MAGI2: variants seen among roughly 807,000 people sequenced by gnomAD.
The protein encoded by MAGI2 is membrane-associated guanylate kinase, WW and PDZ domain-containing protein 2.
MAGI2 carries 35 observed loss-of-function variants against 133.3 expected under a neutral mutation model. The ratio of observed to expected loss-of-function variants is 0.26; its 90% CI spans 0.20 to 0.35. MAGI2 has a LOEUF of 0.35. Among genes scored for constraint, MAGI2 ranks in the 10% least tolerant of loss-of-function variants. The probability of loss-of-function intolerance (pLI) is 1.00; values close to 1 mark genes in which losing one functional copy is unlikely to be tolerated. For synonymous variants in MAGI2, 729 were observed against 710.6 expected, an observed-to-expected ratio of 1.03 and a Z score of -0.41; for missense variants, 1,636 against 1,863.4, an observed-to-expected ratio of 0.88 and a Z score of 2.25.
In MAGI2 at chr7:78,578,912, T is replaced by C. The variant is rs200587532; in HGVS notation, c.538+48208A>G. Among the ~76,000 whole-genome samples the C allele has an allele frequency of 2.8e-4, 42 of 152,264 alleles. 2 individuals carry two copies. The East Asian group carries it at 4.8e-3, about 18-fold the overall frequency. ...CAATACCCTCAACCCCTTTGTTGGA[T>C]ATTTAAATATTTGGTTTTCTGGAAG... On this transcript the variant is annotated intron_variant, in intron 3 of 21. Coordinates refer to ENST00000354212, the MANE Select transcript of MAGI2 (RefSeq NM_012301.4).
At chr7:79,343,559 AAG>A (rs1281055343) in intron 1 of MAGI2, among the ~76,000 whole-genome samples, 1 of 148,464 alleles carries the variant, frequency 6.7e-6, no homozygotes, top group Non-Finnish European at 1.5e-5. Flanking sequence ...AAAAAAAAAA[AAG>A]GCATTGGCCC....
intron 3 of MAGI2, among the ~76,000 whole-genome samples, chr7:78,554,188 T>G (rs531005848): frequency 6.6e-6 from 1 of 152,234 alleles, no homozygotes; most frequent in East Asian, 1.9e-4. Flanking sequence ...TTTGTTAAAA[T>G]AGGGAAAAAT....
rs536239562 is a variant in MAGI2, at chr7:78,519,955, T to C, written c.754+1475A>G. 3.3e-5 allele frequency among the ~76,000 whole-genome samples: 5 copies of C among 152,344 alleles called. No homozygotes were observed. In the South Asian group the frequency reaches 1.0e-3, roughly 32 times the overall value. The stretch of plus-strand genomic sequence containing the variant: ...AGAAAACGATGTACTATCGATGTAA[T>C]TCTAATGAAATTATATAATTAAAAG... On this transcript the variant is annotated intron_variant, in intron 4 of 21. Coordinates refer to ENST00000354212, the MANE Select transcript of MAGI2 (RefSeq NM_012301.4).
At chr7:78,325,484 G>C (rs1375333295) in intron 9 of MAGI2, among the ~76,000 whole-genome samples, 1 of 152,136 alleles carries the variant, frequency 6.6e-6, no homozygotes, top group Non-Finnish European at 1.5e-5. Context: ...TTCCCTAGTT[G>C]CTCCAGCTTG....
intron 10 of MAGI2, among the ~76,000 whole-genome samples, chr7:78,209,409 G>C (rs567500334): frequency 3.0e-4 from 45 of 150,012 alleles, no homozygotes; most frequent in African/African-American, 7.3e-4. Context: ...CTACAGGCGT[G>C]CACCATCACG....
chr7:78,888,050 C>A (rs374541820), intron 2 of MAGI2, among the ~76,000 whole-genome samples: 2 of 152,186 alleles, frequency 1.3e-5, no homozygotes, highest in Non-Finnish European at 2.9e-5. Flanking sequence ...ACTTTTCCAA[C>A]GGTCTTAGCA....
At chr7:78,612,816 C>CCCG (rs1806614301) in intron 3 of MAGI2, among the ~76,000 whole-genome samples, 1 of 151,824 alleles carries the variant, frequency 6.6e-6, no homozygotes, top group Non-Finnish European at 1.5e-5. Context: ...ACTACAGGCG[C>CCCG]CCGCCACCAC....
chr7:78,791,064 T>C (rs1827204454), intron 2 of MAGI2, among the ~76,000 whole-genome samples: 1 of 152,212 alleles, frequency 6.6e-6, no homozygotes, highest in Non-Finnish European at 1.5e-5. Context: ...AATCAACTAT[T>C]ATACTGGAAA....
chr7:78,364,975 G>A (rs963386246), intron 7 of MAGI2, among the ~76,000 whole-genome samples: 2 of 152,192 alleles, frequency 1.3e-5, no homozygotes, highest in Admixed American at 1.3e-4. Flanking sequence ...GCTACATAGA[G>A]TGAGAACTTG....
intron 2 of MAGI2, among the ~76,000 whole-genome samples, chr7:78,723,770 T>A (rs73150785): frequency 6.6e-6 from 1 of 152,082 alleles, no homozygotes. Flanking sequence ...ATTAAATACA[T>A]GACAGGGAGT....
chr7:78,897,349 G>T (rs1403990768), intron 2 of MAGI2, among the ~76,000 whole-genome samples: 1 of 152,116 alleles, frequency 6.6e-6, no homozygotes, highest in African/African-American at 2.4e-5. Context: ...TCATACCTGT[G>T]GCAGTAGCCA....
chr7:78,902,327 A>T (rs952053845), intron 2 of MAGI2, among the ~76,000 whole-genome samples: 4 of 152,168 alleles, frequency 2.6e-5, no homozygotes, highest in Non-Finnish European at 5.9e-5. Flanking sequence ...CTTTTTTCCA[A>T]TGCACTTCCT....
Position 78,795,540 on chromosome 7 carries a change from G to A in MAGI2, c.419-168301C>T, listed in dbSNP as rs144529995. Among the ~76,000 whole-genome samples, 922 of 152,062 alleles carry A rather than the reference G, an allele frequency of 6.1e-3. 6 individuals carry two copies. The highest frequency in any genetic ancestry group is 9.7e-3 in the Non-Finnish European group (661 of 67,952). On this transcript the variant is annotated intron_variant, in intron 2 of 21. Coordinates refer to ENST00000354212, the MANE Select transcript of MAGI2 (RefSeq NM_012301.4). ...TATTAAAACATTGATAAAAGAAGTC[G>A]AGAGGACACACAAAAAAGTGGAAAG... is the stretch of plus-strand genomic sequence containing the variant.
chr7:79,198,523 C>T (rs191754025), intron 1 of MAGI2, among the ~76,000 whole-genome samples: 3 of 151,916 alleles, frequency 2.0e-5, no homozygotes, highest in African/African-American at 7.3e-5. Flanking sequence ...CAATACTGAT[C>T]CTAAGAAATA....
At chr7:78,512,138 A>T (rs1584455729) in intron 4 of MAGI2, among the ~76,000 whole-genome samples, 1 of 144,392 alleles carries the variant, frequency 6.9e-6, no homozygotes, top group Non-Finnish European at 1.5e-5. Flanking sequence ...AAATAAATTA[A>T]AAAAAAAAAA....
At chr7:78,868,384 T>C (rs1794754588) in intron 2 of MAGI2, among the ~76,000 whole-genome samples, 1 of 152,184 alleles carries the variant, frequency 6.6e-6, no homozygotes, top group African/African-American at 2.4e-5. Context: ...ATCCCTAGGT[T>C]CACAAAGAAA....
intron 2 of MAGI2, among the ~76,000 whole-genome samples, chr7:78,980,660 T>C (rs1804701510): frequency 6.6e-6 from 1 of 151,942 alleles, no homozygotes; most frequent in African/African-American, 2.4e-5. Flanking sequence ...TTACAGTTAG[T>C]TCCTATTTTA....
At chr7:78,152,015 A>G (rs1823924487) in intron 16 of MAGI2, among the ~76,000 whole-genome samples, 1 of 152,198 alleles carries the variant, frequency 6.6e-6, no homozygotes, top group Non-Finnish European at 1.5e-5. Context: ...CTTGCCCTTA[A>G]GCAACTCACA....
chr7:79,108,007 G>T (rs1406207847), intron 1 of MAGI2, among the ~76,000 whole-genome samples: 1 of 152,082 alleles, frequency 6.6e-6, no homozygotes, highest in Non-Finnish European at 1.5e-5. Flanking sequence ...TTTAATGATA[G>T]AATTTTATGG....
Sources: allele counts gnomAD v4.1 joint callset (sites outside exome capture counted in the v4.1 genomes callset), GRCh38; gene constraint gnomAD v4.1.1; transcripts MANE v1.5; gene names NCBI Gene and HGNC (gene_info 2026-07-23, HGNC 2026-07-21).